Variants in TJP1 observed in about 807,000 individuals in gnomAD.
TJP1 encodes the protein tight junction protein ZO-1.
In TJP1, 43 loss-of-function variants were observed where a neutral mutation model predicts 194.2. That is an observed-to-expected ratio of 0.22 (90% CI 0.17 to 0.29). The LOEUF (loss-of-function observed/expected upper bound fraction) is 0.29. Among genes scored for constraint, TJP1 ranks in the 10% least tolerant of loss-of-function variants. The probability of loss-of-function intolerance (pLI) is 1.00; values close to 1 mark genes in which losing one functional copy is unlikely to be tolerated. For missense variants in TJP1, 1,971 were observed against 2,185.7 expected (o/e 0.90, Z 1.96); for synonymous variants, 801 against 779.0 (o/e 1.03, Z -0.47).
At chr15:29,737,106 A>T (rs997181357) in intron 11 of TJP1, among the ~76,000 whole-genome samples, 158 bp downstream of exon 11, 3 of 152,228 alleles carry the variant, frequency 2.0e-5, no homozygotes, top group Admixed American at 1.3e-4. Context: ...AGTCCAGCAT[A>T]AGGTAGACCT....
At chr15:29,805,529 ATCATTCAT>A (rs745317591) in intron 1 of TJP1, among the ~76,000 whole-genome samples, 4 of 152,182 alleles carry the variant, frequency 2.6e-5, no homozygotes, top group East Asian at 1.9e-4. Context: ...CAATCCATGT[ATCATTCAT>A]TCATTCATTC....
chr15:29,726,629 T>G (rs2043254318), intron 17 of TJP1, 150 bp from the exon 18 acceptor site: 1 of 1,122,938 alleles, frequency 8.9e-7, no homozygotes, highest in African/African-American at 1.6e-5. Context: ...ACTGTATATT[T>G]TCTTTTAACC....
chr15:29,701,953 TGTTTTTA>T (rs1175857243), intron 27 of TJP1, among the ~76,000 whole-genome samples: 4 of 152,246 alleles, frequency 2.6e-5, no homozygotes, highest in Non-Finnish European at 5.9e-5. Flanking sequence ...TTTTGTTTTT[TGTTTTTA>T]ATTTTCAGAC....
chr15:29,920,761 G>A (rs1215675369), intron 2 of TJP1, among the ~76,000 whole-genome samples: 1 of 152,134 alleles, frequency 6.6e-6, no homozygotes, highest in Non-Finnish European at 1.5e-5. Flanking sequence ...GTCTCCACCT[G>A]GGTCTGGCTC....
chr15:29,822,227 G>A lies in TJP1; in HGVS notation c.-199C>T. 8.5e-7 allele frequency: 1 copy of A among 1,178,470 alleles called. No individual in the cohort carries two copies. The highest frequency in any genetic ancestry group is 1.0e-6 in the Non-Finnish European group (1 of 953,404). 73.0% of individuals were successfully genotyped at this position (1,178,470 alleles called of 1,614,324 possible). Reference sequence around the variant, plus strand: ...TCCGGGAAGCGCCCGCCCCGCCCGGGTCTTCTCCACGGGGCGCGCCCGACC... The same window carrying A: ...TCCGGGAAGCGCCCGCCCCGCCCGGATCTTCTCCACGGGGCGCGCCCGACC... On this transcript the variant is annotated 5_prime_UTR_variant, in exon 1 of 28. Transcript: ENST00000614355.
chr15:29,844,342 T>G (rs1305086142), intron 2 of TJP1, among the ~76,000 whole-genome samples: 1 of 152,220 alleles, frequency 6.6e-6, no homozygotes, highest in African/African-American at 2.4e-5. Flanking sequence ...GTTCTGGGAT[T>G]ACAGGCATGA....
intron 2 of TJP1, among the ~76,000 whole-genome samples, chr15:29,773,635 A>T (rs1462753815): frequency 6.6e-6 from 1 of 152,224 alleles, no homozygotes; most frequent in Non-Finnish European, 1.5e-5. Context: ...TGAGATCCTG[A>T]CTTTATTTTT....
At chr15:29,745,467 C>CTAA (rs1464757426) in intron 8 of TJP1, among the ~76,000 whole-genome samples, 4 of 152,038 alleles carry the variant, frequency 2.6e-5, no homozygotes, top group Admixed American at 6.6e-5. Flanking sequence ...CATTCTAAAA[C>CTAA]TTTAGACTGG....
chr15:29,959,577 G>A (rs62014523), intron 1 of TJP1, among the ~76,000 whole-genome samples: 2 of 152,110 alleles, frequency 1.3e-5, no homozygotes, highest in Non-Finnish European at 2.9e-5. Context: ...CTGTGAGGCA[G>A]CTTCTCTTGC....
intron 1 of TJP1, among the ~76,000 whole-genome samples, chr15:29,958,769 CT>C (rs1258773697): frequency 6.6e-6 from 1 of 151,898 alleles, no homozygotes; most frequent in Admixed American, 6.5e-5. Context: ...TTCATTCCCC[CT>C]CTTTCCCAGC....
Position 29,732,654 on chromosome 15 carries a change from T to C in TJP1, c.1898A>G (p.Tyr633Cys), listed in dbSNP as rs1321279190. The change falls in exon 14 of 28, where the codon TAT becomes TGT. Residue 633 changes from tyrosine (Y) to cysteine (C), a missense_variant. Around this residue, in one of 5 missense-constraint regions of TJP1, gnomAD observed 402 missense variants for 484.2 expected, o/e 0.83. Transcript: ENST00000614355. ...AQPVQTKFPA[Y>C]ERVVLREAGF... ...ACCTTCTCGAAGAACCACTCTTTCA[T>C]AAGCTGGAAACTTTGTTTGAACAGG... 1.2e-6 allele frequency: 2 copies of C among 1,614,164 alleles called. No individual in the cohort carries two copies. The highest frequency in any genetic ancestry group is 1.7e-6 in the Non-Finnish European group (2 of 1,180,022).
At chr15:29,805,535 C>A (rs2049054299) in intron 1 of TJP1, among the ~76,000 whole-genome samples, 1 of 152,116 alleles carries the variant, frequency 6.6e-6, no homozygotes, top group African/African-American at 2.4e-5. Flanking sequence ...ATGTATCATT[C>A]ATTCATTCAT....
chr15:29,717,510 C>G (rs1356655982), intron 22 of TJP1, among the ~76,000 whole-genome samples: 1 of 114,018 alleles, frequency 8.8e-6, no homozygotes, highest in Non-Finnish European at 1.8e-5. Context: ...TCTCTTCCAG[C>G]TCTAAGTCTT....
chr15:29,738,122 G>GT (rs2044159090), intron 10 of TJP1, among the ~76,000 whole-genome samples: 1 of 151,976 alleles, frequency 6.6e-6, no homozygotes, highest in Non-Finnish European at 1.5e-5. Flanking sequence ...TTGAAACCTT[G>GT]TGACATTCCT....
At chr15:29,787,107 T>C (rs898413519) in intron 2 of TJP1, among the ~76,000 whole-genome samples, 1 of 152,206 alleles carries the variant, frequency 6.6e-6, no homozygotes, top group Admixed American at 6.5e-5. Context: ...CCGATAAAAT[T>C]CCTTTTATCA....
chr15:29,876,165 CAT>C (rs1175529009), intron 2 of TJP1, among the ~76,000 whole-genome samples: 1 of 152,204 alleles, frequency 6.6e-6, no homozygotes, highest in South Asian at 2.1e-4. Context: ...ACCTGCCCCA[CAT>C]GTGGCCCAGG....
intron 23 of TJP1, among the ~76,000 whole-genome samples, chr15:29,713,509 TAAGCAC>T (rs1566872089): frequency 6.6e-6 from 1 of 152,252 alleles, no homozygotes; most frequent in African/African-American, 2.4e-5. Flanking sequence ...AAGTGAAGCA[TAAGCAC>T]ACATCATCTG....
intron 1 of TJP1, among the ~76,000 whole-genome samples, chr15:29,961,014 C>G (rs1172174519): frequency 1.3e-5 from 2 of 152,058 alleles, no homozygotes; most frequent in African/African-American, 4.8e-5. Flanking sequence ...AAATATTTGT[C>G]TTGGGGAGGG....
intron 2 of TJP1, among the ~76,000 whole-genome samples, chr15:29,787,062 A>C (rs879357681): frequency 2.6e-5 from 4 of 152,230 alleles, no homozygotes; most frequent in Non-Finnish European, 4.4e-5. Flanking sequence ...CTTCAGCTTA[A>C]ATACTTTATC....
Sources: allele counts gnomAD v4.1 joint callset (sites outside exome capture counted in the v4.1 genomes callset), GRCh38; gene constraint gnomAD v4.1.1; regional missense constraint gnomAD v4.1.1; transcripts MANE v1.5; gene names NCBI Gene and HGNC (gene_info 2026-07-23, HGNC 2026-07-21).